The following EIF3H variants were observed in gnomAD, a reference collection of about 807,000 sequenced individuals.
EIF3H encodes the protein eukaryotic translation initiation factor 3 subunit H.
Under a neutral mutation model 44.2 loss-of-function variants are expected in EIF3H, and 26 were observed. The observed-to-expected ratio is 0.59, with a 90% CI of 0.43 to 0.82. The LOEUF (loss-of-function observed/expected upper bound fraction) is 0.82. Ranked by LOEUF, EIF3H falls within the 40% of genes least tolerant of loss-of-function variation. The pLI, the probability that EIF3H is intolerant of heterozygous loss-of-function variation, is 0.00. For synonymous variants in EIF3H, 166 were observed against 151.9 expected (o/e 1.09, Z -0.68); for missense variants, 359 against 432.8 (o/e 0.83, Z 1.51).
At chr8:116,654,351 C>T (rs1467881923) in intron 5 of EIF3H, among the ~76,000 whole-genome samples, 1 of 152,146 alleles carries the variant, frequency 6.6e-6, no homozygotes, top group African/African-American at 2.4e-5. Flanking sequence ...ACATTATAGA[C>T]CAGCTCATTG....
At chr8:116,728,192 A>G (rs1260912546) in intron 1 of EIF3H, among the ~76,000 whole-genome samples, 2 of 152,230 alleles carry the variant, frequency 1.3e-5, no homozygotes, top group Non-Finnish European at 2.9e-5. Flanking sequence ...AGCACATTAC[A>G]TTTACTAAAC....
Position 116,647,171 on chromosome 8 carries a change from C to T in EIF3H, c.829-568G>A, listed in dbSNP as rs191274186. On this transcript the variant is annotated intron_variant, in intron 6 of 7. Coordinates refer to ENST00000521861, the MANE Select transcript of EIF3H (RefSeq NM_003756.3). The stretch of plus-strand genomic sequence containing the variant: ...CACAATCTTGGCTCACTGCAGCCTC[C>T]GCCTCTCCGCCTCCCCGCCTCCCCA... 1.5e-3 allele frequency among the ~76,000 whole-genome samples: 227 copies of T among 151,844 alleles called. 1 individual carries two copies. The highest frequency in any genetic ancestry group is 6.8e-3 in the Middle Eastern group (2 of 294).
At position 116,667,604 on chromosome 8, in the gene EIF3H, T is replaced by C. The variant is rs1415406082; in HGVS notation, c.290-8624A>G. ...TGTTTACAAAACAGAAAGAGATCTA[T>C]CAGAAGTGAGCACTAAACATTCAAA... is the stretch of plus-strand genomic sequence containing the variant. On this transcript the variant is annotated intron_variant, in intron 2 of 7. Coordinates refer to ENST00000521861, the MANE Select transcript of EIF3H (RefSeq NM_003756.3). 4.6e-5 allele frequency among the ~76,000 whole-genome samples: 7 copies of C among 152,314 alleles called. No homozygotes were observed. The South Asian group carries it at 1.2e-3, about 27-fold the overall frequency.
At chr8:116,687,392 C>T (rs1244611336) in intron 2 of EIF3H, among the ~76,000 whole-genome samples, 1 of 152,114 alleles carries the variant, frequency 6.6e-6, no homozygotes, top group East Asian at 1.9e-4. Flanking sequence ...TAAAAATCTC[C>T]ATCTTACTTG....
chr8:116,747,434 A>T (rs1412851950), intron 1 of EIF3H, among the ~76,000 whole-genome samples: 1 of 152,238 alleles, frequency 6.6e-6, no homozygotes, highest in Non-Finnish European at 1.5e-5. Flanking sequence ...TGACTAAAGC[A>T]GCAGAAAATT....
At chr8:116,757,756 G>C (rs2131005546), upstream of EIF3H, among the ~76,000 whole-genome samples, 1 of 147,692 alleles carries the variant, frequency 6.8e-6, no homozygotes, top group Non-Finnish European at 1.5e-5. Flanking sequence ...GAGTCTCCCT[G>C]TGTCACCCAG....
chr8:116,679,140 G>T (rs1586450628), intron 2 of EIF3H, among the ~76,000 whole-genome samples: 1 of 72,946 alleles, frequency 1.4e-5, no homozygotes, highest in Non-Finnish European at 3.6e-5. Context: ...CCCCTGCCCG[G>T]CCAGCCGCCC....
chr8:116,653,937 G>A (rs1252201344), intron 5 of EIF3H, among the ~76,000 whole-genome samples: 1 of 152,204 alleles, frequency 6.6e-6, no homozygotes, highest in East Asian at 1.9e-4. Flanking sequence ...CCAAGTTTAA[G>A]CACCTGCATA....
chr8:116,647,551 A>C (rs1486201267), intron 6 of EIF3H, among the ~76,000 whole-genome samples: 1 of 152,224 alleles, frequency 6.6e-6, no homozygotes, highest in Non-Finnish European at 1.5e-5. Context: ...TATAAACTTT[A>C]ACTATAAACT....
At chr8:116,685,762 A>C (rs1229082646) in intron 2 of EIF3H, among the ~76,000 whole-genome samples, 4 of 152,172 alleles carry the variant, frequency 2.6e-5, no homozygotes, top group East Asian at 1.9e-4. Context: ...TTTCGACCAT[A>C]AACAGCAACA....
chr8:116,736,999 G>A (rs1815053258), intron 1 of EIF3H, among the ~76,000 whole-genome samples: 1 of 152,140 alleles, frequency 6.6e-6, no homozygotes, highest in South Asian at 2.1e-4. Flanking sequence ...AATTTAATGA[G>A]ATTATTTAGA....
At chr8:116,744,377 T>C (rs910138135) in intron 1 of EIF3H, among the ~76,000 whole-genome samples, 5 of 152,182 alleles carry the variant, frequency 3.3e-5, no homozygotes, top group East Asian at 3.9e-4. Context: ...TAAAAATATA[T>C]ATATTTTGAC....
intron 2 of EIF3H, among the ~76,000 whole-genome samples, chr8:116,668,459 A>T (rs1337413758): frequency 6.6e-6 from 1 of 152,218 alleles, no homozygotes; most frequent in Non-Finnish European, 1.5e-5. Context: ...AATGTTAAAG[A>T]AGTACATACA....
intron 3 of EIF3H, 126 bp from the exon 4 acceptor site, chr8:116,657,440 AC>A: frequency 4.3e-6 from 3 of 690,534 alleles, no homozygotes; most frequent in Non-Finnish European, 7.4e-6. Flanking sequence ...AAAATAAACA[AC>A]CAGAACACAA....
chr8:116,703,571 A>G (rs2130884726), intron 2 of EIF3H, among the ~76,000 whole-genome samples: 1 of 152,302 alleles, frequency 6.6e-6, no homozygotes, highest in East Asian at 1.9e-4. Flanking sequence ...AGAGTACTAA[A>G]GTCTTTAAAA....
intron 1 of EIF3H, among the ~76,000 whole-genome samples, chr8:116,737,042 T>C (rs545120909): frequency 8.5e-5 from 13 of 152,350 alleles, no homozygotes; most frequent in Admixed American, 7.2e-4. Flanking sequence ...AAAGCCTGTT[T>C]ACGTAAAACA....
At chr8:116,653,499 T>TA (rs1261885162) in intron 5 of EIF3H, among the ~76,000 whole-genome samples, 1 of 152,116 alleles carries the variant, frequency 6.6e-6, no homozygotes, top group Non-Finnish European at 1.5e-5. Flanking sequence ...AACAGGGACT[T>TA]ATTGTTAGGA....
chr8:116,669,571 C>T (rs527997760), intron 2 of EIF3H, among the ~76,000 whole-genome samples: 1 of 152,234 alleles, frequency 6.6e-6, no homozygotes, highest in African/African-American at 2.4e-5. Flanking sequence ...TATCATACAC[C>T]ATGTATTGCT....
At chr8:116,663,414 TTCAACTAATGACATTCTCTTC>T (rs1813613635) in intron 2 of EIF3H, among the ~76,000 whole-genome samples, 1 of 152,164 alleles carries the variant, frequency 6.6e-6, no homozygotes, top group African/African-American at 2.4e-5. Context: ...AAACAGCAAT[TTCAACTAATGACATTCTCTTC>T]TAAGTTAATG....
Sources: allele counts gnomAD v4.1 joint callset (sites outside exome capture counted in the v4.1 genomes callset), GRCh38; gene constraint gnomAD v4.1.1; transcripts MANE v1.5; gene names NCBI Gene and HGNC (gene_info 2026-07-23, HGNC 2026-07-21).